Variants in FBN2 observed in about 807,000 individuals in gnomAD.
The protein encoded by FBN2 is fibrillin 2.
In FBN2, 105 loss-of-function variants were observed where a neutral mutation model predicts 355.6. The ratio of observed to expected loss-of-function variants is 0.30; its 90% confidence interval spans 0.25 to 0.35. The LOEUF is 0.35. Ranked by LOEUF, FBN2 falls within the 10% of genes least tolerant of loss-of-function variation. The pLI, the probability that FBN2 is intolerant of heterozygous loss-of-function variation, is 1.00. For missense variants in FBN2, 3,280 were observed against 3,758.7 expected, an observed-to-expected ratio of 0.87 and a Z score of 3.33; for synonymous variants, 1,350 against 1,301.2, an observed-to-expected ratio of 1.04 and a Z score of -0.81.
chr5:128,327,470 C>T (rs552698904), intron 34 of FBN2, among the ~76,000 whole-genome samples: 45 of 151,864 alleles, frequency 3.0e-4, no homozygotes, highest in African/African-American at 9.9e-4. Flanking sequence ...TGTGTGTGCA[C>T]GTGTGCCAGT....
chr5:128,274,383 T>G (rs2126805727), intron 60 of FBN2, among the ~76,000 whole-genome samples, 184 bp downstream of exon 60: 1 of 152,316 alleles, frequency 6.6e-6, no homozygotes, highest in South Asian at 2.1e-4. Context: ...AAAGGCCTTT[T>G]TTTTCCCTTT....
At chr5:128,487,259 G>A (rs1241983452) in intron 5 of FBN2, among the ~76,000 whole-genome samples, 1 of 152,130 alleles carries the variant, frequency 6.6e-6, no homozygotes, top group Non-Finnish European at 1.5e-5. Context: ...TAGTAACTAT[G>A]ATGACCAAAG....
chr5:128,299,107 C>G (rs561430641), intron 48 of FBN2, among the ~76,000 whole-genome samples: 21 of 152,118 alleles, frequency 1.4e-4, no homozygotes, highest in East Asian at 7.8e-4. Flanking sequence ...AGGTGTCAGT[C>G]TGCCCCTGCT....
Position 128,527,872 on chromosome 5 carries a change from G to A in FBN2, c.532C>T (p.Pro178Ser), listed in dbSNP as rs765177174. 8.8e-6 allele frequency: 14 copies of A among 1,588,792 alleles called. No individual in the cohort carries two copies. Among genetic ancestry groups the A allele is most frequent in the Middle Eastern group, 1.7e-4 (1 of 6,000 alleles). ...KGYIGTYCGQPVCENGCQNGG... is the reference protein window; with the variant it reads ...KGYIGTYCGQSVCENGCQNGG... Reference sequence around the variant, plus strand: ...TTTCTAATAAATCAATGTCCCTTACGTTGTCCACAATAAGTTCCAATATAT... The same window carrying A: ...TTTCTAATAAATCAATGTCCCTTACATTGTCCACAATAAGTTCCAATATAT... The change falls in exon 4 of 65, where the codon CCT becomes TCT. Residue 178 changes from proline to serine, a missense_variant and splice_region_variant. Pro to Ser is a moderately conservative substitution (Grantham distance 74, BLOSUM62 -1). Transcript: ENST00000262464.
chr5:128,360,756 GT>G (rs961579464), intron 19 of FBN2, among the ~76,000 whole-genome samples: 16 of 150,696 alleles, frequency 1.1e-4, no homozygotes, highest in African/African-American at 3.9e-4. Context: ...AAGAGAGAAT[GT>G]TACATCTTTT....
chr5:128,415,210 T>A (rs763830645), intron 7 of FBN2, among the ~76,000 whole-genome samples: 2 of 152,196 alleles, frequency 1.3e-5, no homozygotes, highest in Non-Finnish European at 2.9e-5. Context: ...GTAAAAATAT[T>A]TCAAGTCCTC....
At chr5:128,285,511 G>A (rs1749123281) in intron 55 of FBN2, among the ~76,000 whole-genome samples, 1 of 151,876 alleles carries the variant, frequency 6.6e-6, no homozygotes, top group Non-Finnish European at 1.5e-5. Context: ...TACAAATGTA[G>A]AATGCTGCTC....
intron 5 of FBN2, among the ~76,000 whole-genome samples, chr5:128,513,707 C>T (rs548365465): frequency 1.6e-4 from 24 of 152,290 alleles, no homozygotes; most frequent in African/African-American, 5.5e-4. Context: ...ATTTTTCTCC[C>T]TGATTTAAGT....
At chr5:128,317,185 C>T (rs529244333) in intron 36 of FBN2, among the ~76,000 whole-genome samples, 45 of 152,258 alleles carry the variant, frequency 3.0e-4, no homozygotes, top group African/African-American at 9.9e-4. Flanking sequence ...TATAACATAG[C>T]GCTTCTCCTC....
At chr5:128,449,690 A>G (rs1403593852) in intron 6 of FBN2, among the ~76,000 whole-genome samples, 1 of 151,760 alleles carries the variant, frequency 6.6e-6, no homozygotes, top group Non-Finnish European at 1.5e-5. Flanking sequence ...TGACAGATTT[A>G]AACACAATAA....
chr5:128,413,880 A>C (rs1753130928), intron 7 of FBN2, among the ~76,000 whole-genome samples: 1 of 152,308 alleles, frequency 6.6e-6, no homozygotes. Flanking sequence ...GATATAGAAA[A>C]AAGTAAGCAT....
intron 5 of FBN2, among the ~76,000 whole-genome samples, chr5:128,518,401 C>T (rs1329749877): frequency 1.3e-5 from 2 of 152,128 alleles, no homozygotes; most frequent in Admixed American, 6.5e-5. Flanking sequence ...GGGATGCCTA[C>T]CCAGCATCCA....
At chr5:128,505,199 G>A (rs928252158) in intron 5 of FBN2, among the ~76,000 whole-genome samples, 5 of 152,052 alleles carry the variant, frequency 3.3e-5, no homozygotes, top group African/African-American at 1.2e-4. Flanking sequence ...ATTAGCAGTG[G>A]CAGAACAGAC....
chr5:128,459,030 A>T (rs1029671091), intron 6 of FBN2, among the ~76,000 whole-genome samples: 1 of 152,130 alleles, frequency 6.6e-6, no homozygotes, highest in African/African-American at 2.4e-5. Context: ...TTTTGAAAAA[A>T]ATTAATGAAA....
At chr5:128,408,932 T>C (rs991833933) in intron 7 of FBN2, 133 bp from the exon 8 acceptor site, 1 of 956,028 alleles carries the variant, frequency 1.0e-6, no homozygotes, top group Non-Finnish European at 1.6e-6. Context: ...GAAGATACTC[T>C]TGTTTCAGGC....
At chr5:128,346,449 C>T (rs556491230) in intron 23 of FBN2, among the ~76,000 whole-genome samples, 71 of 152,274 alleles carry the variant, frequency 4.7e-4, no homozygotes, top group Admixed American at 1.8e-3. Flanking sequence ...TTTCCAGAAG[C>T]TGAAAACTGT....
chr5:128,351,096 TA>T, intron 20 of FBN2, 91 bp from the exon 21 acceptor site: 1 of 1,504,858 alleles, frequency 6.6e-7, no homozygotes. Flanking sequence ...TACAGTATTC[TA>T]AAAAAGAAAG....
rs26023 is a variant in FBN2 at position 128,302,772 on chromosome 5, A to T, written c.5917+201T>A. Among the ~76,000 whole-genome samples, 2,048 of 152,140 alleles carry T rather than the reference A, an allele frequency of 0.013. 79 individuals are homozygous for T. In the East Asian group the frequency reaches 0.15, roughly 11 times the overall value. ...ATTGGCTGATTGACAAAAGGATTCA[A>T]GAGTATATTGTCTTGTGACAATTTA... On this transcript the variant is annotated intron_variant, in intron 46 of 64. Transcript: ENST00000262464.
chr5:128,496,514 TAA>T (rs1390093559), intron 5 of FBN2, among the ~76,000 whole-genome samples: 1 of 151,912 alleles, frequency 6.6e-6, no homozygotes, highest in African/African-American at 2.4e-5. Context: ...CTCAGCATAA[TAA>T]AGGGCCTCTA....
Sources: allele counts gnomAD v4.1 joint callset (sites outside exome capture counted in the v4.1 genomes callset), GRCh38; gene constraint gnomAD v4.1.1; transcripts MANE v1.5; gene names NCBI Gene and HGNC (gene_info 2026-07-23, HGNC 2026-07-21).